Variants in PRIM2 observed in about 807,000 individuals in gnomAD.
PRIM2 encodes the protein DNA primase subunit 2, also known as DNA primase large subunit.
In PRIM2, 39 loss-of-function variants were observed where a neutral mutation model predicts 67.3. That is an observed-to-expected ratio of 0.58 (90% CI 0.45 to 0.76). PRIM2 has a LOEUF of 0.76. PRIM2 is among the 30% of genes least tolerant of loss of function. The pLI is 0.00. For missense variants in PRIM2, 398 were observed against 598.7 expected (o/e 0.66, Z 3.50); for synonymous variants, 143 against 198.7 (o/e 0.72, Z 2.36).
chr6:57,419,461 T>C (rs1771390727), intron 7 of PRIM2, among the ~76,000 whole-genome samples: 1 of 152,148 alleles, frequency 6.6e-6, no homozygotes, highest in Non-Finnish European at 1.5e-5. Context: ...TGGTCTGTAC[T>C]GTGTGGAGGA....
At chr6:57,321,179 A>C (rs1370187117) in intron 3 of PRIM2, among the ~76,000 whole-genome samples, 1 of 152,184 alleles carries the variant, frequency 6.6e-6, no homozygotes, top group Non-Finnish European at 1.5e-5. Context: ...TAGAATCAAA[A>C]GGTTTTAGTG....
chr6:57,612,251 A>G (rs1776680643), intron 12 of PRIM2, among the ~76,000 whole-genome samples: 1 of 152,216 alleles, frequency 6.6e-6, no homozygotes, highest in Non-Finnish European at 1.5e-5. Flanking sequence ...TAGAATTGAA[A>G]TAAAAGCATA....
chr6:57,253,846 T>C, the PRIM2 span, among the ~76,000 whole-genome samples: 1 of 152,212 alleles, frequency 6.6e-6, no homozygotes, highest in South Asian at 2.1e-4. Context: ...CCAGAGAAAG[T>C]TGGAAAGTGG....
chr6:57,413,473 A>G (rs1202755633), intron 7 of PRIM2, among the ~76,000 whole-genome samples: 6 of 151,868 alleles, frequency 4.0e-5, no homozygotes, highest in African/African-American at 9.7e-5. Flanking sequence ...TTCCAACAAT[A>G]CAAAAACTGC....
chr6:57,225,480 C>T, the PRIM2 span, among the ~76,000 whole-genome samples: 1 of 152,156 alleles, frequency 6.6e-6, no homozygotes, highest in African/African-American at 2.4e-5. Context: ...GTAGAAATAG[C>T]AACAGAATTA....
At chr6:57,562,978 CAG>C (rs1456464352) in intron 10 of PRIM2, among the ~76,000 whole-genome samples, 1 of 152,260 alleles carries the variant, frequency 6.6e-6, no homozygotes, top group East Asian at 1.9e-4. Context: ...TCATTATAAG[CAG>C]AGAGTACGAG....
chr6:57,231,969 G>A, the PRIM2 span, among the ~76,000 whole-genome samples: 1 of 152,156 alleles, frequency 6.6e-6, no homozygotes, highest in African/African-American at 2.4e-5. Context: ...TTCATCCTAA[G>A]TTATAGTTGG....
chr6:57,537,807 T>C (rs1775030842), intron 10 of PRIM2, among the ~76,000 whole-genome samples, 182 bp downstream of exon 10: 1 of 152,114 alleles, frequency 6.6e-6, no homozygotes, highest in Non-Finnish European at 1.5e-5. Flanking sequence ...ATACAAAAGA[T>C]TGGGGAAGGA....
chr6:57,626,435 A>G (rs1776950031), intron 12 of PRIM2, among the ~76,000 whole-genome samples: 1 of 152,296 alleles, frequency 6.6e-6, no homozygotes, highest in East Asian at 1.9e-4. Flanking sequence ...ATTAAATTAG[A>G]AAAATATCAC....
intron 10 of PRIM2, among the ~76,000 whole-genome samples, chr6:57,595,614 G>C (rs1776352285): frequency 6.6e-6 from 1 of 152,168 alleles, no homozygotes; most frequent in South Asian, 2.1e-4. Context: ...CTCAGGTTCA[G>C]TAATGTGCTA....
intron 12 of PRIM2, among the ~76,000 whole-genome samples, chr6:57,630,738 A>G (rs1469681231): frequency 7.9e-5 from 12 of 152,242 alleles, no homozygotes; most frequent in African/African-American, 2.9e-4. Context: ...TCAGATATTA[A>G]TATATTATTA....
At chr6:57,373,217 CATT>C (rs1473881141) in intron 5 of PRIM2, among the ~76,000 whole-genome samples, 1 of 150,672 alleles carries the variant, frequency 6.6e-6, no homozygotes, top group East Asian at 1.9e-4. Flanking sequence ...TGATCACTGA[CATT>C]GTTTTTTTTT....
At chr6:57,522,136 A>G (rs1250632192) in intron 8 of PRIM2, among the ~76,000 whole-genome samples, 1 of 152,076 alleles carries the variant, frequency 6.6e-6, no homozygotes, top group Non-Finnish European at 1.5e-5. Context: ...TAAATGGCAA[A>G]CTATGACTTA....
chr6:57,260,225 C>CA, the PRIM2 span, among the ~76,000 whole-genome samples: 1 of 152,090 alleles, frequency 6.6e-6, no homozygotes, highest in Non-Finnish European at 1.5e-5. Context: ...ATCCCAGGTC[C>CA]AAAAACAAAA....
chr6:57,587,959 G>C (rs1459401013), intron 10 of PRIM2, among the ~76,000 whole-genome samples: 1 of 152,130 alleles, frequency 6.6e-6, no homozygotes, highest in African/African-American at 2.4e-5. Flanking sequence ...ATGATATTGG[G>C]GAATCCTGGG....
At chr6:57,645,553 T>C (rs1450672123) in intron 13 of PRIM2, among the ~76,000 whole-genome samples, 2 of 150,630 alleles carry the variant, frequency 1.3e-5, no homozygotes, top group African/African-American at 4.9e-5. Flanking sequence ...CAAGGATGAA[T>C]GGTGATACCA....
the PRIM2 span, among the ~76,000 whole-genome samples, chr6:57,232,812 C>A: frequency 6.6e-6 from 1 of 152,058 alleles, no homozygotes; most frequent in African/African-American, 2.4e-5. Context: ...GTTAGGACAC[C>A]AAATTGTAAG....
At chr6:57,544,059 A>G (rs1222960372) in intron 10 of PRIM2, among the ~76,000 whole-genome samples, 15 of 152,238 alleles carry the variant, frequency 9.9e-5, no homozygotes, top group African/African-American at 3.6e-4. Context: ...TTAAAGAAGG[A>G]GGAAAGAAAC....
At chr6:57,430,391 G>GA (rs1309563033) in intron 7 of PRIM2, among the ~76,000 whole-genome samples, 2 of 151,360 alleles carry the variant, frequency 1.3e-5, no homozygotes, top group African/African-American at 4.8e-5. Flanking sequence ...ATAAGATATG[G>GA]AAAACGAAAG....
Sources: allele counts gnomAD v4.1 joint callset (sites outside exome capture counted in the v4.1 genomes callset), GRCh38; gene constraint gnomAD v4.1.1; transcripts MANE v1.5; gene names NCBI Gene and HGNC (gene_info 2026-07-23, HGNC 2026-07-21).